GRM1: variants seen among roughly 807,000 people sequenced by gnomAD.
The protein encoded by GRM1 is metabotropic glutamate receptor 1.
In GRM1, 33 loss-of-function variants were observed where a neutral mutation model predicts 90.9. That is an observed-to-expected ratio of 0.36 (90% confidence interval 0.28 to 0.49). The LOEUF is 0.49. Among genes scored for constraint, GRM1 ranks in the 20% least tolerant of loss-of-function variants. The pLI, the probability that GRM1 is intolerant of heterozygous loss-of-function variation, is 0.99. For missense variants in GRM1, 1,190 were observed against 1,534.3 expected, an observed-to-expected ratio of 0.78 and a Z score of 3.75; for synonymous variants, 700 against 613.2, an observed-to-expected ratio of 1.14 and a Z score of -2.09.
chr6:146,181,619 A>G (rs1472829775), intron 2 of GRM1, among the ~76,000 whole-genome samples: 3 of 152,200 alleles, frequency 2.0e-5, no homozygotes, highest in African/African-American at 7.2e-5. Context: ...TTGATAGAGA[A>G]CTGAATTATG....
chr6:146,049,773 G>A (rs191855583), intron 1 of GRM1, among the ~76,000 whole-genome samples: 4 of 151,742 alleles, frequency 2.6e-5, no homozygotes, highest in Non-Finnish European at 5.9e-5. Flanking sequence ...AAATAACAAC[G>A]ATGGCAGTAC....
At chr6:146,240,050 G>T (rs762203966) in intron 2 of GRM1, among the ~76,000 whole-genome samples, 1 of 152,088 alleles carries the variant, frequency 6.6e-6, no homozygotes, top group Non-Finnish European at 1.5e-5. Flanking sequence ...GATGTCTGGG[G>T]AAACTTAATG....
At position 146,399,379 on chromosome 6, in the gene GRM1, C is replaced by T. The variant is rs41285861; in HGVS notation, c.2340C>T (p.Asn780=). 397 of 1,614,096 alleles carry T rather than the reference C, an allele frequency of 2.5e-4. No homozygotes were observed. Among genetic ancestry groups the T allele is most frequent in the South Asian group, 6.4e-4 (58 of 91,084 alleles). The change falls in exon 7 of 8, where the codon AAC becomes AAT. Residue 780 remains asparagine, a synonymous_variant. Coordinates refer to ENST00000282753, the MANE Select transcript of GRM1 (RefSeq NM_001278064.2). This position sits in a 1 kb window ranked among gnomAD's most constrained non-coding sequence, Gnocchi z 5.4. ...TCAAGACCCGCAACGTGCCCGCCAA[C>T]TTCAACGAGGCCAAATATATCGCGT... ...YAFKTRNVPA[N]FNEAKYIAFT... is the part of the protein sequence containing the mutation.
intron 1 of GRM1, among the ~76,000 whole-genome samples, chr6:146,125,278 C>A (rs528803250): frequency 0.02 from 3,116 of 152,166 alleles, 58 homozygotes; most frequent in Non-Finnish European, 0.028. Context: ...ATTAAACATA[C>A]ACAGGAAACA....
chr6:146,356,171 T>A (rs1562634378), intron 4 of GRM1, among the ~76,000 whole-genome samples: 1 of 152,158 alleles, frequency 6.6e-6, no homozygotes, highest in Admixed American at 6.6e-5. Context: ...AACCAGAGTA[T>A]TTTAGGGCAT....
intron 2 of GRM1, among the ~76,000 whole-genome samples, chr6:146,226,169 G>A (rs1347672844): frequency 6.6e-6 from 1 of 152,146 alleles, no homozygotes; most frequent in Non-Finnish European, 1.5e-5. Context: ...CAGGGCAAAA[G>A]GAGAAGGTCA....
At chr6:146,214,149 A>T (rs567836663) in intron 2 of GRM1, among the ~76,000 whole-genome samples, 1 of 152,182 alleles carries the variant, frequency 6.6e-6, no homozygotes, top group African/African-American at 2.4e-5. Flanking sequence ...TCAGACTCAT[A>T]AGCTGAGCTC....
chr6:146,095,276 GC>G (rs1319033403), intron 1 of GRM1, among the ~76,000 whole-genome samples: 1 of 152,076 alleles, frequency 6.6e-6, no homozygotes, highest in Non-Finnish European at 1.5e-5. Context: ...ACTGGCTCTT[GC>G]CTATTTAGTC....
chr6:146,110,738 T>C (rs771820369), intron 1 of GRM1, among the ~76,000 whole-genome samples: 1 of 152,190 alleles, frequency 6.6e-6, no homozygotes, highest in South Asian at 2.1e-4. Context: ...TATTTCCTCA[T>C]AGGCTGTTTT....
intron 1 of GRM1, among the ~76,000 whole-genome samples, chr6:146,117,754 A>AC (rs576758787): frequency 1.8e-4 from 27 of 151,724 alleles, no homozygotes; most frequent in South Asian, 6.2e-4. Flanking sequence ...CCTTTATAAG[A>AC]CCCCCCCATT....
intron 1 of GRM1, among the ~76,000 whole-genome samples, chr6:146,056,855 C>A (rs1170509489): frequency 2.6e-5 from 4 of 152,114 alleles, no homozygotes; most frequent in African/African-American, 9.7e-5. Context: ...GTCAACTTGT[C>A]TCTGAGTCTA....
chr6:146,424,946 TG>T (rs1778143002), intron 7 of GRM1, among the ~76,000 whole-genome samples: 1 of 152,242 alleles, frequency 6.6e-6, no homozygotes, highest in African/African-American at 2.4e-5. Context: ...AATGATCTTT[TG>T]ATTTCGAGTA....
intron 1 of GRM1, among the ~76,000 whole-genome samples, chr6:146,114,698 A>T (rs1775678092): frequency 1.3e-5 from 2 of 152,194 alleles, no homozygotes; most frequent in South Asian, 4.1e-4. Flanking sequence ...CAGACTGGAT[A>T]GAAAGGAATG....
rs562428182 is a variant in GRM1, at chr6:146,125,977, C to T, written c.701-33371C>T. ...TTCTAATTACATTTTTGTTTTTAATCTGTTTTTTAAAATTCTGACGAAGTG... is the reference window on the plus strand; with the variant it reads ...TTCTAATTACATTTTTGTTTTTAATTTGTTTTTTAAAATTCTGACGAAGTG... On this transcript the variant is annotated intron_variant, in intron 1 of 7. Coordinates refer to ENST00000282753, the MANE Select transcript of GRM1 (RefSeq NM_001278064.2). Among the ~76,000 whole-genome samples the T allele has an allele frequency of 2.0e-5, 3 of 152,052 alleles. No homozygotes were observed. The South Asian group carries it at 6.2e-4, about 32-fold the overall frequency.
chr6:146,039,317 A>G (rs1791011846), intron 1 of GRM1, among the ~76,000 whole-genome samples: 1 of 152,042 alleles, frequency 6.6e-6, no homozygotes, highest in South Asian at 2.1e-4. Flanking sequence ...GAGGAAACAA[A>G]GGAGTAAATT....
intron 7 of GRM1, chr6:146,426,793 T>C (rs1049167643): frequency 1.0e-5 from 6 of 601,092 alleles, no homozygotes; most frequent in African/African-American, 9.2e-5. Flanking sequence ...CTGCCTTAAA[T>C]TGATTGTCCA....
intron 2 of GRM1, among the ~76,000 whole-genome samples, chr6:146,228,944 G>C (rs932463992): frequency 1.3e-5 from 2 of 151,932 alleles, no homozygotes; most frequent in African/African-American, 4.8e-5. Context: ...TATAGTTTCT[G>C]TCTGCCAACC....
intron 1 of GRM1, among the ~76,000 whole-genome samples, chr6:146,080,102 G>T (rs925322641): frequency 6.6e-6 from 1 of 152,118 alleles, no homozygotes; most frequent in Non-Finnish European, 1.5e-5. Flanking sequence ...AGGACTCGGA[G>T]CATCTTCAAG....
At chr6:146,404,465 A>C (rs1777266629) in intron 7 of GRM1, among the ~76,000 whole-genome samples, 1 of 152,156 alleles carries the variant, frequency 6.6e-6, no homozygotes, top group African/African-American at 2.4e-5. Flanking sequence ...GTGCCCAGGG[A>C]AGAAAGAGAT....
Sources: allele counts gnomAD v4.1 joint callset (sites outside exome capture counted in the v4.1 genomes callset), GRCh38; gene constraint gnomAD v4.1.1; non-coding constraint Gnocchi (gnomAD v3.1); transcripts MANE v1.5; gene names NCBI Gene and HGNC (gene_info 2026-07-23, HGNC 2026-07-21).